Variants in ELMO1 observed in about 807,000 individuals in gnomAD.
ELMO1 encodes engulfment and cell motility 1.
A neutral mutation model predicts 98.9 loss-of-function variants in ELMO1; 26 were observed. The ratio of observed to expected loss-of-function variants is 0.26; its 90% confidence interval spans 0.19 to 0.36. ELMO1 has a LOEUF of 0.36. Among genes scored for constraint, ELMO1 ranks in the 10% least tolerant of loss-of-function variants. The pLI, the probability that ELMO1 is intolerant of heterozygous loss-of-function variation, is 1.00. For missense variants in ELMO1, 627 were observed against 935.2 expected (o/e 0.67, Z 4.30); for synonymous variants, 346 against 346.0 (o/e 1.00, Z 0.00).
chr7:37,336,900 G>GGA (rs1409386988), intron 2 of ELMO1, among the ~76,000 whole-genome samples: 1 of 152,104 alleles, frequency 6.6e-6, no homozygotes, highest in Non-Finnish European at 1.5e-5. Context: ...TAGGTCAAGG[G>GGA]GAGGATTTTC....
At chr7:36,985,096 G>A (rs1312778399) in intron 16 of ELMO1, 9 of 985,190 alleles carry the variant, frequency 9.1e-6, no homozygotes, top group Non-Finnish European at 8.4e-6. Context: ...TGTTCTTCCT[G>A]TTTCTACCCA....
rs1788226923 is a variant in ELMO1, at chr7:36,953,947, T to C, written c.1438-58930A>G. 3.3e-5 allele frequency among the ~76,000 whole-genome samples: 5 copies of C among 151,414 alleles called. No homozygotes were observed. In the South Asian group the frequency reaches 8.4e-4, roughly 25 times the overall value. On this transcript the variant is annotated intron_variant, in intron 16 of 21. Transcript: ENST00000310758. ...GAAGAAGGGGAATTAAATGTTTCAA[T>C]ACAAAATTACTATCTTTATTCAGAA...
intron 20 of ELMO1, among the ~76,000 whole-genome samples, chr7:36,864,713 C>A (rs1298138951): frequency 6.6e-6 from 1 of 152,174 alleles, no homozygotes; most frequent in African/African-American, 2.4e-5. Flanking sequence ...TCTGTGCCCC[C>A]CTCAGGGCCT....
At chr7:37,192,920 T>TAGATACA (rs1791698182) in intron 13 of ELMO1, among the ~76,000 whole-genome samples, 1 of 144,790 alleles carries the variant, frequency 6.9e-6, no homozygotes, top group Non-Finnish European at 1.5e-5. Flanking sequence ...ATTTTATATA[T>TAGATACA]TATATATAAT....
chr7:36,973,810 G>C (rs1790210677), intron 16 of ELMO1, among the ~76,000 whole-genome samples: 1 of 152,234 alleles, frequency 6.6e-6, no homozygotes, highest in African/African-American at 2.4e-5. Flanking sequence ...TTCCAGATGG[G>C]CGTGGTCTTG....
At chr7:37,037,156 A>G (rs1167668769) in intron 15 of ELMO1, among the ~76,000 whole-genome samples, 5 of 152,260 alleles carry the variant, frequency 3.3e-5, no homozygotes, top group Non-Finnish European at 5.9e-5. Flanking sequence ...ACTCACAGCC[A>G]ATCAAATGGT....
chr7:37,160,896 G>A (rs909255849), intron 13 of ELMO1, among the ~76,000 whole-genome samples: 1 of 152,222 alleles, frequency 6.6e-6, no homozygotes, highest in Non-Finnish European at 1.5e-5. Flanking sequence ...ACGACTGGCA[G>A]CACAGAGGTG....
chr7:37,369,541 A>C (rs1802029287), intron 1 of ELMO1, among the ~76,000 whole-genome samples: 1 of 152,142 alleles, frequency 6.6e-6, no homozygotes, highest in Non-Finnish European at 1.5e-5. Context: ...ATTAAACAAA[A>C]CAATTCCAGA....
chr7:37,413,030 G>A (rs1251201792), intron 1 of ELMO1, among the ~76,000 whole-genome samples: 1 of 152,148 alleles, frequency 6.6e-6, no homozygotes, highest in Non-Finnish European at 1.5e-5. Context: ...CTAAAATTAT[G>A]AAAGAGAATA....
chr7:37,327,600 T>C (rs369097285), intron 2 of ELMO1, among the ~76,000 whole-genome samples: 2 of 152,342 alleles, frequency 1.3e-5, no homozygotes, highest in East Asian at 3.9e-4. Flanking sequence ...ATGTTTCTCA[T>C]TTAGTTTTTT....
intron 15 of ELMO1, among the ~76,000 whole-genome samples, chr7:37,020,859 C>T (rs1213117875): frequency 6.6e-6 from 1 of 152,152 alleles, no homozygotes; most frequent in African/African-American, 2.4e-5. Context: ...TGGAATATAT[C>T]ATACACACAC....
At chr7:36,863,468 AT>A (rs1329201481) in intron 20 of ELMO1, among the ~76,000 whole-genome samples, 1 of 152,250 alleles carries the variant, frequency 6.6e-6, no homozygotes, top group Non-Finnish European at 1.5e-5. Flanking sequence ...ATGAAAATAC[AT>A]ATCAAGAACC....
chr7:37,372,718 C>A (rs1562649474), intron 1 of ELMO1, among the ~76,000 whole-genome samples: 1 of 152,152 alleles, frequency 6.6e-6, no homozygotes, highest in Admixed American at 6.5e-5. Flanking sequence ...ACAACTGTCA[C>A]CCTACTTTCT....
At chr7:37,032,630 A>G (rs981045690) in intron 15 of ELMO1, among the ~76,000 whole-genome samples, 1 of 152,214 alleles carries the variant, frequency 6.6e-6, no homozygotes, top group Non-Finnish European at 1.5e-5. Flanking sequence ...CAAAATAATC[A>G]GTGGTCAAGC....
At chr7:37,398,289 TACTA>T (rs549120257) in intron 1 of ELMO1, among the ~76,000 whole-genome samples, 29 of 152,322 alleles carry the variant, frequency 1.9e-4, no homozygotes, top group African/African-American at 6.5e-4. Context: ...AGTAAAGATG[TACTA>T]ACTTTTATTT....
At chr7:37,089,165 A>G (rs1317626540) in intron 15 of ELMO1, among the ~76,000 whole-genome samples, 1 of 152,238 alleles carries the variant, frequency 6.6e-6, no homozygotes, top group African/African-American at 2.4e-5. Context: ...GCTGCACTCC[A>G]AACAGTCCTT....
chr7:37,118,867 A>C (rs1011129151), intron 14 of ELMO1, among the ~76,000 whole-genome samples: 2 of 152,190 alleles, frequency 1.3e-5, no homozygotes, highest in East Asian at 1.9e-4. Flanking sequence ...TGGGTCAGTG[A>C]AGCAAAACAC....
At chr7:37,152,471 A>C (rs2129319633) in intron 13 of ELMO1, among the ~76,000 whole-genome samples, 1 of 151,006 alleles carries the variant, frequency 6.6e-6, no homozygotes, top group South Asian at 2.1e-4. Context: ...ATGTTTTTCA[A>C]ACCTCAACAG....
intron 13 of ELMO1, among the ~76,000 whole-genome samples, chr7:37,192,387 C>T (rs866931668): frequency 5.4e-5 from 8 of 149,216 alleles, no homozygotes; most frequent in African/African-American, 1.7e-4. Flanking sequence ...CCCAGCTACT[C>T]GGGAGGCTGA....
Sources: allele counts gnomAD v4.1 joint callset (sites outside exome capture counted in the v4.1 genomes callset), GRCh38; gene constraint gnomAD v4.1.1; transcripts MANE v1.5; gene names NCBI Gene and HGNC (gene_info 2026-07-23, HGNC 2026-07-21).